ABCB1: variants seen among roughly 807,000 people sequenced by gnomAD.
The protein encoded by ABCB1 is ATP binding cassette subfamily B member 1.
A neutral mutation model predicts 142.0 loss-of-function variants in ABCB1; 69 were observed. The observed-to-expected ratio is 0.49, with a 90% CI of 0.40 to 0.59. The LOEUF is 0.59. ABCB1 is among the 20% of genes least tolerant of loss of function. The probability of loss-of-function intolerance (pLI) is 0.00; values close to 1 mark genes in which losing one functional copy is unlikely to be tolerated. For synonymous variants in ABCB1, 532 were observed against 539.2 expected (o/e 0.99, Z 0.18); for missense variants, 1,326 against 1,554.7 (o/e 0.85, Z 2.47).
At chr7:87,637,249 T>C (rs1821872757) in intron 1 of ABCB1, among the ~76,000 whole-genome samples, 1 of 152,328 alleles carries the variant, frequency 6.6e-6, no homozygotes, top group East Asian at 1.9e-4. Context: ...TAATTTGTGG[T>C]CTGTTTCTAG....
At chr7:87,689,503 C>G (rs1371611890) in intron 1 of ABCB1, among the ~76,000 whole-genome samples, 1 of 151,972 alleles carries the variant, frequency 6.6e-6, no homozygotes, top group Non-Finnish European at 1.5e-5. Flanking sequence ...CTAATATTTA[C>G]TTTATTGTGC....
intron 12 of ABCB1, 36 bp from the exon 13 acceptor site, chr7:87,550,090 G>A: frequency 6.2e-7 from 1 of 1,613,838 alleles, no homozygotes; most frequent in Non-Finnish European, 8.5e-7. Flanking sequence ...TCATACATTT[G>A]TAATTGAAAG....
intron 1 of ABCB1, among the ~76,000 whole-genome samples, chr7:87,648,979 CG>C (rs1327015752): frequency 6.6e-6 from 1 of 151,524 alleles, no homozygotes; most frequent in African/African-American, 2.4e-5. Flanking sequence ...ATTTTCTGTC[CG>C]GATTGAATAG....
chr7:87,702,609 T>C (rs1021471643), intron 1 of ABCB1, among the ~76,000 whole-genome samples: 1 of 152,120 alleles, frequency 6.6e-6, no homozygotes, highest in Non-Finnish European at 1.5e-5. Flanking sequence ...AATATTTAAG[T>C]TTCCAGTTTT....
chr7:87,541,933 G>A (rs1563042874), intron 17 of ABCB1, among the ~76,000 whole-genome samples: 1 of 152,188 alleles, frequency 6.6e-6, no homozygotes, highest in East Asian at 1.9e-4. Flanking sequence ...CCTTGAGCCT[G>A]CCTTCTTGGT....
chr7:87,632,612 C>T (rs910126850), intron 1 of ABCB1, among the ~76,000 whole-genome samples: 8 of 152,048 alleles, frequency 5.3e-5, no homozygotes, highest in African/African-American at 1.9e-4. Flanking sequence ...TATTCTCTAT[C>T]GTTTAGAACT....
intron 1 of ABCB1, among the ~76,000 whole-genome samples, chr7:87,668,039 G>T (rs1479608976): frequency 2.0e-5 from 3 of 151,840 alleles, no homozygotes; most frequent in African/African-American, 7.3e-5. Flanking sequence ...TCATTTTTTT[G>T]GAATTATTTC....
intron 4 of ABCB1, among the ~76,000 whole-genome samples, chr7:87,584,467 T>C (rs1818646254): frequency 6.6e-6 from 1 of 152,164 alleles, no homozygotes; most frequent in Non-Finnish European, 1.5e-5. Flanking sequence ...TAGCTCAGTT[T>C]AAATCAATCT....
chr7:87,626,099 T>TATA (rs199877301), intron 1 of ABCB1, among the ~76,000 whole-genome samples: 21 of 95,504 alleles, frequency 2.2e-4, no homozygotes, highest in African/African-American at 1.1e-3. Flanking sequence ...TATATATATA[T>TATA]TGTCATATAT....
chr7:87,591,967 T>C (rs984019029), intron 3 of ABCB1, among the ~76,000 whole-genome samples: 2 of 151,598 alleles, frequency 1.3e-5, no homozygotes, highest in Admixed American at 1.3e-4. Flanking sequence ...CAGAAGCAAA[T>C]ACAAAAAATA....
chr7:87,562,325 G>A (rs1817591394), intron 7 of ABCB1, among the ~76,000 whole-genome samples: 1 of 152,164 alleles, frequency 6.6e-6, no homozygotes, highest in Non-Finnish European at 1.5e-5. Context: ...TGATTCACTA[G>A]ACATTCCTGA....
intron 4 of ABCB1, among the ~76,000 whole-genome samples, chr7:87,571,211 A>G (rs2129842530): frequency 6.6e-6 from 1 of 152,338 alleles, no homozygotes; most frequent in East Asian, 1.9e-4. Flanking sequence ...ACAAAAGTCA[A>G]CGGCAAGTTT....
chr7:87,602,107 C>T (rs541174194), upstream of ABCB1, among the ~76,000 whole-genome samples: 3 of 152,202 alleles, frequency 2.0e-5, no homozygotes, highest in African/African-American at 7.2e-5. Context: ...CATTCTCCTG[C>T]CTCAGCCTCC....
At chr7:87,645,084 T>TC (rs983935827) in intron 1 of ABCB1, among the ~76,000 whole-genome samples, 22 of 149,134 alleles carry the variant, frequency 1.5e-4, no homozygotes, top group African/African-American at 4.9e-4. Flanking sequence ...TTTCTTTCTT[T>TC]TTTTTTTTTT....
At chr7:87,518,592 CATT>C (rs772495734) in intron 23 of ABCB1, among the ~76,000 whole-genome samples, 7 of 152,148 alleles carry the variant, frequency 4.6e-5, no homozygotes, top group Non-Finnish European at 7.3e-5. Context: ...TATACTAACA[CATT>C]ATACTGCCAG....
intron 1 of ABCB1, among the ~76,000 whole-genome samples, chr7:87,625,983 T>TAC (rs1294866998): frequency 6.8e-6 from 1 of 146,414 alleles, no homozygotes; most frequent in Non-Finnish European, 1.5e-5. Flanking sequence ...TATATATATA[T>TAC]ATATGTACAT....
At chr7:87,658,206 C>T (rs1824315207) in intron 1 of ABCB1, among the ~76,000 whole-genome samples, 1 of 151,866 alleles carries the variant, frequency 6.6e-6, no homozygotes, top group African/African-American at 2.4e-5. Flanking sequence ...ATGGAAGATA[C>T]AAAGAAGACC....
At chr7:87,513,192 C>T (rs1323659480) in intron 25 of ABCB1, among the ~76,000 whole-genome samples, 1 of 152,080 alleles carries the variant, frequency 6.6e-6, no homozygotes, top group African/African-American at 2.4e-5. Context: ...TTCTTGGTTA[C>T]AGAATCACAG....
rs868233118 is a variant in ABCB1, at chr7:87,565,147, T to G, written c.702+923A>C. On this transcript the variant is annotated intron_variant, in intron 7 of 27. Transcript: ENST00000622132. ...TGCTCAATAAATGATAATTATTATTTGCAGAAACAAAATAATATCCATTAT... is the reference window on the plus strand; with the variant it reads ...TGCTCAATAAATGATAATTATTATTGGCAGAAACAAAATAATATCCATTAT... Among the ~76,000 whole-genome samples the G allele has an allele frequency of 4.6e-5, 7 of 152,362 alleles. 1 individual carries two copies. Among genetic ancestry groups the G allele is most frequent in the Non-Finnish European group, 7.3e-5 (5 of 68,040 alleles).
Sources: gnomAD v4.1 joint callset for allele counts (sites outside exome capture counted in the v4.1 genomes callset) on GRCh38, gnomAD v4.1.1 for gene constraint, MANE v1.5 for transcripts, NCBI Gene and HGNC (gene_info 2026-07-23, HGNC 2026-07-21) for gene names.